CHRNB4: variants seen among roughly 807,000 people sequenced by gnomAD.
CHRNB4 encodes the protein neuronal acetylcholine receptor subunit beta-4.
A neutral mutation model predicts 40.4 loss-of-function variants in CHRNB4; 23 were observed. The ratio of observed to expected loss-of-function variants is 0.57; its 90% confidence interval spans 0.41 to 0.81. The LOEUF (loss-of-function observed/expected upper bound fraction) is 0.81, where lower values mean the gene tolerates loss of function less well. Ranked by LOEUF, CHRNB4 falls within the 30% of genes least tolerant of loss-of-function variation. The pLI is 0.00. For missense variants in CHRNB4, 568 were observed against 670.6 expected (o/e 0.85, Z 1.69); for synonymous variants, 285 against 274.4 (o/e 1.04, Z -0.38).
Position 78,629,162 on chromosome 15 carries a change from G to C in CHRNB4, c.1143C>G (p.Asn381Lys). Residue 381 changes from asparagine (N) to lysine (K), a missense_variant, in exon 5 of 6, where the codon AAC (asparagine) becomes AAG (lysine). This residue lies in a region of CHRNB4 where 242 missense variants were observed against 274.9 expected (regional missense o/e 0.88). Transcript: ENST00000261751. This position sits in a 1 kb window ranked among gnomAD's most constrained non-coding sequence, Gnocchi z 6.8. Reference sequence around the variant, plus strand: ...CAAAGTACATGGAGTTCCCATAGAAGTTGGAGGGGCTGGTGGAGGTGGCGG... The same window carrying C: ...CAAAGTACATGGAGTTCCCATAGAACTTGGAGGGGCTGGTGGAGGTGGCGG... ...EATATSTSPS[N>K]FYGNSMYFVN... 5 of 1,614,188 alleles carry C rather than the reference G, an allele frequency of 3.1e-6. No homozygotes were observed. Among genetic ancestry groups the C allele is most frequent in the Non-Finnish European group, 4.2e-6 (5 of 1,180,026 alleles).
chr15:78,658,028 C>CTTTTT (rs71448810), intron 2 of CHRNB4, among the ~76,000 whole-genome samples: 57 of 90,536 alleles, frequency 6.3e-4, no homozygotes, highest in Non-Finnish European at 8.4e-4. Context: ...TCTTGTTTCT[C>CTTTTT]TTTTTTTTTT....
chr15:78,658,051 G>C (rs1344028636), intron 2 of CHRNB4, among the ~76,000 whole-genome samples: 1 of 20,232 alleles, frequency 4.9e-5, no homozygotes, highest in Non-Finnish European at 1.4e-4. Context: ...TTTTTTTTTT[G>C]AGAAGGAGTC....
At chr15:78,658,535 A>G (rs936828605) in intron 1 of CHRNB4, among the ~76,000 whole-genome samples, 4 of 152,226 alleles carry the variant, frequency 2.6e-5, no homozygotes, top group Non-Finnish European at 4.4e-5. Flanking sequence ...CTTGGTCCCC[A>G]GATCAGTGAT....
chr15:78,625,336 G>T, intron 5 of CHRNB4, 45 bp from the exon 6 acceptor site: 1 of 1,501,562 alleles, frequency 6.7e-7, no homozygotes, highest in Non-Finnish European at 8.9e-7. Context: ...AAGTACTGGG[G>T]TCCCTCCTTT....
chr15:78,656,940 C>T (rs965741768), intron 3 of CHRNB4, among the ~76,000 whole-genome samples: 4 of 152,196 alleles, frequency 2.6e-5, no homozygotes, highest in Admixed American at 6.5e-5. Context: ...CAGGCATCTG[C>T]CCTAAGTTCC....
chr15:78,634,565 GGT>G (rs746248860), intron 2 of CHRNB4: 1 of 363,248 alleles, frequency 2.8e-6, no homozygotes, highest in South Asian at 2.1e-5. Context: ...TGACAGGCTG[GGT>G]GTGTGTGGGC....
upstream of CHRNB4, among the ~76,000 whole-genome samples, chr15:78,643,177 C>A (rs1374819513): frequency 6.6e-6 from 1 of 152,106 alleles, no homozygotes; most frequent in African/African-American, 2.4e-5. Flanking sequence ...CACACACAAA[C>A]AATGCATCAT....
intron 4 of CHRNB4, 180 bp downstream of exon 4, chr15:78,630,896 C>A: frequency 1.7e-6 from 1 of 593,506 alleles, no homozygotes. Flanking sequence ...TCCAACTCCC[C>A]ATCTGTAACT....
chr15:78,638,459 G>A (rs756108825), intron 1 of CHRNB4, among the ~76,000 whole-genome samples: 21 of 152,384 alleles, frequency 1.4e-4, no homozygotes, highest in Middle Eastern at 3.4e-3. Flanking sequence ...ACCAGGTATA[G>A]GAGCCTCTTT....
At chr15:78,632,715 G>A (rs772356750) in intron 2 of CHRNB4, among the ~76,000 whole-genome samples, 1 of 151,950 alleles carries the variant, frequency 6.6e-6, no homozygotes, top group Non-Finnish European at 1.5e-5. Flanking sequence ...AGAAAATAAG[G>A]CAGATAGAAG....
intron 6 of CHRNB4, among the ~76,000 whole-genome samples, chr15:78,651,299 A>C (rs1596124132): frequency 6.6e-6 from 1 of 152,180 alleles, no homozygotes; most frequent in East Asian, 1.9e-4. Context: ...TGGCAGGCAG[A>C]CCTGATCAAA....
intron 6 of CHRNB4, among the ~76,000 whole-genome samples, chr15:78,650,993 G>A (rs374299119): frequency 6.6e-6 from 1 of 152,270 alleles, no homozygotes; most frequent in African/African-American, 2.4e-5. Context: ...TGATCTGAAG[G>A]TGGAGTATTT....
chr15:78,625,382 CCA>C lies in CHRNB4; in HGVS notation c.1339-93_1339-92del. 1.5e-5 allele frequency: 18 copies of C among 1,205,332 alleles called. 1 individual carries two copies. Among genetic ancestry groups the C allele is most frequent in the Middle Eastern group, 2.0e-4 (1 of 5,012 alleles). 74.7% of individuals were successfully genotyped at this position (1,205,332 alleles called of 1,614,324 possible). A position where few individuals can be genotyped will look rare whatever the true frequency, so the allele number is the denominator to read the frequency against. On this transcript the variant is annotated intron_variant, in intron 5 of 5. Coordinates refer to ENST00000261751, the MANE Select transcript of CHRNB4 (RefSeq NM_000750.5). ...GGCCCTTACTCTCTGGCCAGGGACT[CCA>C]CAGGCCACAGGCGTGGAACTGCATA...
At chr15:78,656,573 A>G (rs1465458897) in exon 4 of CHRNB4, 4 of 152,168 alleles carry the variant, frequency 2.6e-5, no homozygotes, top group African/African-American at 9.7e-5. Context: ...TTGCTGCTAA[A>G]AACTTTTATG....
chr15:78,649,456 T>C (rs1211274892), intron 6 of CHRNB4: 1 of 453,318 alleles, frequency 2.2e-6, no homozygotes, highest in South Asian at 1.6e-5. Flanking sequence ...AGAATGGTTT[T>C]TATAACATTA....
chr15:78,641,247 G>A (rs1028088401), upstream of CHRNB4: 37 of 1,006,366 alleles, frequency 3.7e-5, no homozygotes, highest in African/African-American at 1.6e-4. Context: ...TGCTGGCGGG[G>A]CGGCGCTCAC....
chr15:78,648,810 A>C (rs1400964594), intron 7 of CHRNB4, among the ~76,000 whole-genome samples: 2 of 150,886 alleles, frequency 1.3e-5, no homozygotes, highest in African/African-American at 4.9e-5. Context: ...ACAGGGTCTC[A>C]CTCTGTTGCC....
At chr15:78,644,570 C>T (rs1300055386), upstream of CHRNB4, among the ~76,000 whole-genome samples, 1 of 152,078 alleles carries the variant, frequency 6.6e-6, no homozygotes, top group Middle Eastern at 3.2e-3. Context: ...AAATAAACTT[C>T]TGTTGTTTGT....
chr15:78,641,247 G>C (rs1028088401), upstream of CHRNB4: 22 of 1,006,366 alleles, frequency 2.2e-5, no homozygotes, highest in East Asian at 7.1e-4. Context: ...TGCTGGCGGG[G>C]CGGCGCTCAC....
Sources: allele counts gnomAD v4.1 joint callset (sites outside exome capture counted in the v4.1 genomes callset), GRCh38; gene constraint gnomAD v4.1.1; regional missense constraint gnomAD v4.1.1; non-coding constraint Gnocchi (gnomAD v3.1); transcripts MANE v1.5; gene names NCBI Gene and HGNC (gene_info 2026-07-23, HGNC 2026-07-21).